The following SGCE variants were observed in gnomAD, a reference collection of about 807,000 sequenced individuals.
SGCE encodes the protein sarcoglycan epsilon.
A neutral mutation model predicts 57.8 loss-of-function variants in SGCE; 26 were observed. That is an observed-to-expected ratio of 0.45 (90% CI 0.33 to 0.62). SGCE has a LOEUF of 0.62. Among genes scored for constraint, SGCE ranks in the 20% least tolerant of loss-of-function variants. The pLI is 0.02. For synonymous variants in SGCE, 183 were observed against 189.5 expected (o/e 0.97, Z 0.28); for missense variants, 468 against 548.6 (o/e 0.85, Z 1.47).
chr7:94,655,877 A>G, intron 1 of SGCE, 113 bp downstream of exon 1: 1 of 704,054 alleles, frequency 1.4e-6, no homozygotes, highest in Non-Finnish European at 2.6e-6. Flanking sequence ...TCCGGGACAG[A>G]AAGAGAGGCT....
rs1562832897 is a variant in SGCE, at chr7:94,614,106, T to TAAA, written c.662+4651_662+4652insTTT. Among the ~76,000 whole-genome samples, 15 of 55,130 alleles carry TAAA rather than the reference T, an allele frequency of 2.7e-4. 3 individuals carry two copies. Among genetic ancestry groups the TAAA allele is most frequent in the East Asian group, 2.0e-3 (3 of 1,494 alleles). The allele number at this position is 55,130 out of a possible 152,430, so 36.2% of individuals were successfully genotyped here. A position where few individuals can be genotyped will look rare whatever the true frequency, so the allele number is the denominator to read the frequency against. ...TAATTTTCTTGTACCCAAATTGAAATCAAAAAAAAAAAAAAAAAAAAAAAC... is the reference window on the plus strand; with the variant it reads ...TAATTTTCTTGTACCCAAATTGAAATAAACAAAAAAAAAAAAAAAAAAAAAAAC... On this transcript the variant is annotated intron_variant, in intron 5 of 10. Transcript: ENST00000648936.
chr7:94,586,313 G>T (rs1406796227), intron 10 of SGCE, among the ~76,000 whole-genome samples: 1 of 151,936 alleles, frequency 6.6e-6, no homozygotes, highest in African/African-American at 2.4e-5. Context: ...CAGGGTAAAA[G>T]AAAAGAAAAG....
At chr7:94,624,118 C>G (rs1389278354) in intron 3 of SGCE, 3 of 389,338 alleles carry the variant, frequency 7.7e-6, no homozygotes, top group Admixed American at 9.1e-5. Context: ...GCCTATTTAA[C>G]TTTATAACAG....
intron 1 of SGCE, among the ~76,000 whole-genome samples, chr7:94,633,273 C>A (rs1481830460): frequency 6.6e-6 from 1 of 151,928 alleles, no homozygotes; most frequent in African/African-American, 2.4e-5. Flanking sequence ...AAAAGTCCAA[C>A]CCGCAAGAGG....
rs370146453 is a variant in SGCE at position 94,602,084 on chromosome 7, A to T, written c.825+1206T>A. Among the ~76,000 whole-genome samples the T allele has an allele frequency of 7.2e-5, 11 of 152,280 alleles. No homozygotes were observed. In the Middle Eastern group the frequency reaches 0.01, roughly 141 times the overall value. ...TAGAGACTGGGTAATAGTCCTAAACATAAACTCATTTTCCAGAACAACCAC... is the reference window on the plus strand; with the variant it reads ...TAGAGACTGGGTAATAGTCCTAAACTTAAACTCATTTTCCAGAACAACCAC... On this transcript the variant is annotated intron_variant, in intron 6 of 10. Transcript: ENST00000648936.
At chr7:94,635,478 C>A in intron 1 of SGCE, among the ~76,000 whole-genome samples, 1 of 152,270 alleles carries the variant, frequency 6.6e-6, no homozygotes, top group Non-Finnish European at 1.5e-5. Context: ...AAAAATAATA[C>A]TTCTCGTCTC....
chr7:94,594,822 C>A (rs1454439006), intron 9 of SGCE, among the ~76,000 whole-genome samples: 2 of 152,138 alleles, frequency 1.3e-5, no homozygotes, highest in Non-Finnish European at 2.9e-5. Flanking sequence ...CCTTACATTT[C>A]TAGACTATGT....
At chr7:94,591,622 GC>G (rs11422778) in intron 9 of SGCE, among the ~76,000 whole-genome samples, 12 of 151,938 alleles carry the variant, frequency 7.9e-5, no homozygotes, top group African/African-American at 2.9e-4. Flanking sequence ...GTAGTTGGAT[GC>G]CCCCCACTTC....
chr7:94,590,894 T>TGCTA (rs1402186949), intron 9 of SGCE: 1 of 152,226 alleles, frequency 6.6e-6, no homozygotes, highest in African/African-American at 2.4e-5. Context: ...AAACAGTGCG[T>TGCTA]GCTAGTTAAA....
intron 1 of SGCE, among the ~76,000 whole-genome samples, chr7:94,646,904 A>G (rs1381365963): frequency 1.3e-5 from 2 of 152,224 alleles, no homozygotes; most frequent in African/African-American, 4.8e-5. Context: ...CCAGGAGGGT[A>G]CAAAATATAA....
At chr7:94,601,443 C>CAAA (rs71123905) in intron 6 of SGCE, among the ~76,000 whole-genome samples, 2,469 of 89,050 alleles carry the variant, frequency 0.028, 419 homozygotes, top group African/African-American at 0.062. Flanking sequence ...ATCCCAGTAT[C>CAAA]AAAAAAAAAA....
intron 9 of SGCE, among the ~76,000 whole-genome samples, chr7:94,592,430 T>G (rs1360978378): frequency 2.0e-5 from 3 of 152,160 alleles, no homozygotes; most frequent in African/African-American, 7.2e-5. Flanking sequence ...GGAGGGACCT[T>G]AATGAAGTCA....
rs572179315 is a variant in SGCE, at chr7:94,587,179, A to C, written c.1297+1510T>G. 1.8e-4 allele frequency: 175 copies of C among 985,172 alleles called. No homozygotes were observed. The African/African-American group carries it at 3.0e-3, about 17-fold the overall frequency. 61.0% of individuals were successfully genotyped at this position (985,172 alleles called of 1,614,324 possible). On this transcript the variant is annotated intron_variant, in intron 10 of 10. Transcript: ENST00000648936. ...GGCTCTTATATTTGTTTAGGCATAA[A>C]TTGTCCTTGTATTTGGAAGTGCTCT...
At chr7:94,608,025 C>A (rs1423221148) in intron 5 of SGCE, among the ~76,000 whole-genome samples, 2 of 152,078 alleles carry the variant, frequency 1.3e-5, no homozygotes, top group Non-Finnish European at 2.9e-5. Context: ...TTCCTATATA[C>A]CAGCATGAAC....
chr7:94,618,023 T>G (rs1208457797), intron 5 of SGCE: 1 of 152,220 alleles, frequency 6.6e-6, no homozygotes. Context: ...TGCCTCAACC[T>G]ACAGATTAAA....
chr7:94,627,258 T>G (rs1803870040), intron 3 of SGCE: 1 of 152,098 alleles, frequency 6.6e-6, no homozygotes, highest in Non-Finnish European at 1.5e-5. Flanking sequence ...AAAGGCTGTA[T>G]TCTTTTAGTT....
At position 94,623,359 on chromosome 7, in the gene SGCE, C is replaced by T; in HGVS notation, c.429G>A (p.Arg143=). Residue 143 remains arginine (R), a synonymous_variant, in exon 4 of 11, where the codon AGG becomes AGA. Transcript: ENST00000648936. ...ACATTATATTAATTATCAAATTATGCCTTGCAGTCTCAAAGGTGCGCCTGT... is the reference window on the plus strand; with the variant it reads ...ACATTATATTAATTATCAAATTATGTCTTGCAGTCTCAAAGGTGCGCCTGT... ...AYNRRTFETA[R]HNLIINIMSA... 2 of 1,605,412 alleles carry T rather than the reference C, an allele frequency of 1.2e-6. No individual in the cohort carries two copies. Among genetic ancestry groups the T allele is most frequent in the African/African-American group, 1.3e-5 (1 of 74,778 alleles).
chr7:94,654,708 G>C (rs750575543), intron 1 of SGCE, among the ~76,000 whole-genome samples: 1 of 152,076 alleles, frequency 6.6e-6, no homozygotes, highest in Non-Finnish European at 1.5e-5. Flanking sequence ...TTTAAAGTGC[G>C]GTGTCTGCAA....
At chr7:94,648,128 T>G (rs940504539) in intron 1 of SGCE, among the ~76,000 whole-genome samples, 4 of 151,890 alleles carry the variant, frequency 2.6e-5, no homozygotes, top group African/African-American at 9.7e-5. Context: ...ATCCCAACAC[T>G]CTGGGAGGCT....
Sources: gnomAD v4.1 joint callset for allele counts (sites outside exome capture counted in the v4.1 genomes callset) on GRCh38, gnomAD v4.1.1 for gene constraint, MANE v1.5 for transcripts, NCBI Gene and HGNC (gene_info 2026-07-23, HGNC 2026-07-21) for gene names.